Variants in MARK1 observed in about 807,000 individuals in gnomAD.
MARK1 encodes serine/threonine-protein kinase MARK1.
A neutral mutation model predicts 96.3 loss-of-function variants in MARK1; 40 were observed. That is an observed-to-expected ratio of 0.42 (90% CI 0.32 to 0.54). The LOEUF is 0.54. MARK1 is among the 20% of genes least tolerant of loss of function. The pLI, the probability that MARK1 is intolerant of heterozygous loss-of-function variation, is 0.16. For missense variants in MARK1, 719 were observed against 984.6 expected, an observed-to-expected ratio of 0.73 and a Z score of 3.61; for synonymous variants, 317 against 341.2, an observed-to-expected ratio of 0.93 and a Z score of 0.78.
chr1:220,640,038 G>C (rs927530151), intron 13 of MARK1, among the ~76,000 whole-genome samples: 15 of 152,170 alleles, frequency 9.9e-5, no homozygotes, highest in African/African-American at 3.6e-4. Flanking sequence ...GCTAATCACT[G>C]CTTTAAAGCC....
intron 6 of MARK1, among the ~76,000 whole-genome samples, chr1:220,612,641 T>C (rs1198552460): frequency 6.6e-6 from 1 of 152,302 alleles, no homozygotes; most frequent in African/African-American, 2.4e-5. Context: ...GTTACCTGAC[T>C]ACAGATAAAT....
intron 17 of MARK1, among the ~76,000 whole-genome samples, chr1:220,661,247 GT>G (rs1669466443): frequency 6.6e-6 from 1 of 152,154 alleles, no homozygotes; most frequent in South Asian, 2.1e-4. Context: ...GTTGTAGACT[GT>G]TTTAAGGATG....
At chr1:220,591,709 T>C (rs1223106499) in intron 3 of MARK1, among the ~76,000 whole-genome samples, 1 of 152,230 alleles carries the variant, frequency 6.6e-6, no homozygotes, top group East Asian at 1.9e-4. Context: ...GTATATGCAT[T>C]GATGAATCTT....
chr1:220,542,829 G>A (rs1661236923), intron 1 of MARK1, among the ~76,000 whole-genome samples: 1 of 151,984 alleles, frequency 6.6e-6, no homozygotes, highest in Non-Finnish European at 1.5e-5. Flanking sequence ...CATGCCTACT[G>A]CACTGTAGAA....
chr1:220,548,814 C>T lies in MARK1; in HGVS notation c.51+19941C>T, dbSNP rs565674148. Among the ~76,000 whole-genome samples the T allele has an allele frequency of 3.3e-5, 5 of 152,236 alleles. No individual in the cohort carries two copies. The East Asian group carries it at 9.6e-4, about 29-fold the overall frequency. The stretch of plus-strand genomic sequence containing the variant: ...AAAGAACAAACACCTATTGTAATTT[C>T]TGGCATGAGTTTGCTGTAACGTTTT... On this transcript the variant is annotated intron_variant, in intron 1 of 17. Transcript: ENST00000366917.
At chr1:220,620,869 GA>G (rs555554322) in intron 9 of MARK1, among the ~76,000 whole-genome samples, 87 of 151,962 alleles carry the variant, frequency 5.7e-4, no homozygotes, top group Non-Finnish European at 1.1e-3. Context: ...ACAGTTCCCA[GA>G]AATGACTTTC....
intron 9 of MARK1, among the ~76,000 whole-genome samples, chr1:220,620,325 A>G (rs1350503534): frequency 1.3e-5 from 2 of 152,182 alleles, no homozygotes; most frequent in Non-Finnish European, 2.9e-5. Flanking sequence ...AATTAGGTGA[A>G]ATATTTAAAA....
intron 13 of MARK1, among the ~76,000 whole-genome samples, chr1:220,642,864 G>A (rs1296018476): frequency 6.6e-6 from 1 of 152,168 alleles, no homozygotes; most frequent in Non-Finnish European, 1.5e-5. Context: ...CAGACCTGCG[G>A]AAGAGGGGCC....
chr1:220,580,934 T>A (rs932977226), intron 2 of MARK1, 131 bp from the exon 3 acceptor site: 1 of 362,964 alleles, frequency 2.8e-6, no homozygotes, highest in Non-Finnish European at 5.2e-6. Flanking sequence ...TGTTACTATC[T>A]GATTATGTGA....
At chr1:220,605,787 A>G (rs1666037447) in intron 6 of MARK1, among the ~76,000 whole-genome samples, 1 of 151,070 alleles carries the variant, frequency 6.6e-6, no homozygotes, top group Non-Finnish European at 1.5e-5. Flanking sequence ...TCCTTGTGAT[A>G]GTTTGCTGAG....
intron 10 of MARK1, 131 bp from the exon 11 acceptor site, chr1:220,632,069 GT>G (rs1667709098): frequency 2.0e-6 from 1 of 511,166 alleles, no homozygotes; most frequent in Non-Finnish European, 3.5e-6. Flanking sequence ...TAGTCCAGAA[GT>G]TTTTAAAACT....
rs758334416 is a variant in MARK1 at position 220,654,351 on chromosome 1, C to G, written c.1988+999C>G. On this transcript the variant is annotated intron_variant, in intron 16 of 17. Transcript: ENST00000366917. The surrounding 1 kb of genome is among the most constrained non-coding windows in gnomAD (Gnocchi z 4.0). ...TTAGTTTCCAATGTTATTAGTGTTT[C>G]TAGGATTTCAAAGAGTGGATGTGGA... 6.6e-6 allele frequency among the ~76,000 whole-genome samples: 1 copy of G among 152,116 alleles called. No homozygotes were observed. Among genetic ancestry groups the G allele is most frequent in the Non-Finnish European group, 1.5e-5 (1 of 68,010 alleles).
At chr1:220,569,752 G>A (rs896771663) in intron 1 of MARK1, among the ~76,000 whole-genome samples, 3 of 151,906 alleles carry the variant, frequency 2.0e-5, no homozygotes, top group Non-Finnish European at 4.4e-5. Context: ...TTTTTAAAAA[G>A]TTTTTTTCAC....
intron 1 of MARK1, among the ~76,000 whole-genome samples, chr1:220,536,960 G>A (rs970239780): frequency 6.6e-6 from 1 of 151,604 alleles, no homozygotes; most frequent in Admixed American, 6.6e-5. Flanking sequence ...CCATAGATAA[G>A]TCTCTAAGTG....
Position 220,664,073 on chromosome 1 carries a change from T to C in MARK1, c.*1907T>C, listed in dbSNP as rs1326322160. On this transcript the variant is annotated 3_prime_UTR_variant, in exon 18 of 18. Transcript: ENST00000366917. ...AAACTATGAAGGTTTCTTGTCATTA[T>C]GACAAGAAAGTTTAATCTTTTTATA... 1 of 152,482 alleles carries C rather than the reference T, an allele frequency of 6.6e-6. No homozygotes were observed. Among genetic ancestry groups the C allele is most frequent in the Non-Finnish European group, 1.5e-5 (1 of 68,042 alleles). The allele number at this position is 152,482 out of a possible 1,614,324, so 9.4% of individuals were successfully genotyped here. A position where few individuals can be genotyped will look rare whatever the true frequency, so the allele number is the denominator to read the frequency against.
At chr1:220,574,410 C>A (rs74139776) in intron 1 of MARK1, among the ~76,000 whole-genome samples, 1,726 of 152,302 alleles carry the variant, frequency 0.011, 26 homozygotes, top group African/African-American at 0.04. Context: ...TTCTCCATGA[C>A]TTCATTTTTC....
chr1:220,579,359 A>T lies in MARK1; in HGVS notation c.57A>T (p.Thr19=). 6.2e-7 allele frequency: 1 copy of T among 1,612,704 alleles called. No individual in the cohort carries two copies. The highest frequency in any genetic ancestry group is 8.5e-7 in the Non-Finnish European group (1 of 1,178,772). The change falls in exon 2 of 18, where the codon ACA becomes ACT. Residue 19 remains threonine (T), a synonymous_variant. Transcript: ENST00000366917. The part of the protein sequence containing the change: ...TVNERDTENH[T]SVDGYTEPHI... ...TCTTGTAAACTTTTTCTTAGCATACATCTGTGGATGGATATACTGAACCAC... is the reference window on the plus strand; with the variant it reads ...TCTTGTAAACTTTTTCTTAGCATACTTCTGTGGATGGATATACTGAACCAC...
intron 1 of MARK1, among the ~76,000 whole-genome samples, chr1:220,575,439 T>A (rs1663766461): frequency 6.6e-6 from 1 of 152,216 alleles, no homozygotes; most frequent in Non-Finnish European, 1.5e-5. Flanking sequence ...ATGAGCTGAA[T>A]TGATATTCTT....
intron 1 of MARK1, among the ~76,000 whole-genome samples, chr1:220,545,912 TC>T (rs1661458943): frequency 1.3e-5 from 2 of 152,194 alleles, no homozygotes; most frequent in South Asian, 4.2e-4. Flanking sequence ...TTTCCTTCCT[TC>T]CCTTACTGGG....
Sources: gnomAD v4.1 joint callset for allele counts (sites outside exome capture counted in the v4.1 genomes callset) on GRCh38, gnomAD v4.1.1 for gene constraint, Gnocchi (gnomAD v3.1) non-coding constraint, MANE v1.5 for transcripts, NCBI Gene and HGNC (gene_info 2026-07-23, HGNC 2026-07-21) for gene names.